The following WDR59 variants were observed in gnomAD, a reference collection of about 807,000 sequenced individuals.
WDR59 encodes WD repeat domain 59.
In WDR59, 100 loss-of-function variants were observed where a neutral mutation model predicts 131.2. The observed-to-expected ratio is 0.76, with a 90% CI of 0.65 to 0.90. The LOEUF is 0.90. WDR59 is among the 40% of genes least tolerant of loss of function. The pLI, the probability that WDR59 is intolerant of heterozygous loss-of-function variation, is 0.00. For missense variants in WDR59, 1,203 were observed against 1,262.2 expected (o/e 0.95, Z 0.71); for synonymous variants, 601 against 466.2 (o/e 1.29, Z -3.72).
chr16:74,962,580 T>C, intron 2 of WDR59, among the ~76,000 whole-genome samples: 1 of 152,138 alleles, frequency 6.6e-6, no homozygotes, highest in East Asian at 1.9e-4. Flanking sequence ...GATTTGGCTC[T>C]CTGCTTGCCT....
chr16:74,941,092 C>T (rs2032184171), intron 7 of WDR59, among the ~76,000 whole-genome samples: 2 of 151,876 alleles, frequency 1.3e-5, no homozygotes, highest in Non-Finnish European at 2.9e-5. Flanking sequence ...TGTCTGTAAT[C>T]CCAGCACTTT....
intron 4 of WDR59, 95 bp downstream of exon 4, chr16:74,951,363 G>T: frequency 8.0e-7 from 1 of 1,247,028 alleles, no homozygotes; most frequent in Non-Finnish European, 1.1e-6. Context: ...AACACAGACA[G>T]TCAAGCCATG....
chr16:74,886,190 A>AAAAAAAAAAAAAAT, intron 24 of WDR59, 80 bp downstream of exon 24: 7 of 1,448,708 alleles, frequency 4.8e-6, no homozygotes, highest in Non-Finnish European at 6.5e-6. Flanking sequence ...AAAAAAAAAA[A>AAAAAAAAAAAAAAT]GTAAGAGTTG....
chr16:74,888,241 A>G lies in WDR59; in HGVS notation c.2274T>C (p.Pro758=), dbSNP rs1964866510. 1 of 1,614,172 alleles carries G rather than the reference A, an allele frequency of 6.2e-7. No individual in the cohort carries two copies. Among genetic ancestry groups the G allele is most frequent in the African/African-American group, 1.3e-5 (1 of 75,058 alleles). Residue 758 remains proline (P), a synonymous_variant, in exon 22 of 26, where the codon CCT becomes CCC. Coordinates refer to ENST00000262144, the MANE Select transcript of WDR59 (RefSeq NM_030581.4). ...GCCCAAAGGGGTTTGGTAGCCCCTGAGGCCGAGACTGGGCTTCAAACACGC... is the reference window on the plus strand; with the variant it reads ...GCCCAAAGGGGTTTGGTAGCCCCTGGGGCCGAGACTGGGCTTCAAACACGC... ...LCSVFEAQSR[P]QGLPNPFGPF...
intron 25 of WDR59, among the ~76,000 whole-genome samples, chr16:74,874,758 A>T (rs2144739616): frequency 6.6e-6 from 1 of 152,102 alleles, no homozygotes; most frequent in African/African-American, 2.4e-5. Context: ...CGCCCAGCTA[A>T]GTTTGTATTT....
intron 14 of WDR59, chr16:74,911,865 G>T: frequency 2.2e-6 from 1 of 460,038 alleles, no homozygotes; most frequent in South Asian, 4.4e-5. Context: ...TAGTATTAAT[G>T]AGATCTGTGG....
At chr16:74,876,497 C>G (rs1964219740) in intron 25 of WDR59, among the ~76,000 whole-genome samples, 2 of 152,132 alleles carry the variant, frequency 1.3e-5, no homozygotes, top group East Asian at 1.9e-4. Context: ...TAATTATTCT[C>G]CATATCTATC....
chr16:74,983,778 C>T (rs2034517888), intron 1 of WDR59, among the ~76,000 whole-genome samples: 1 of 152,156 alleles, frequency 6.6e-6, no homozygotes, highest in East Asian at 1.9e-4. Context: ...GAGTTCCATA[C>T]CAGCCTGGAC....
At chr16:74,984,117 A>G (rs962445746) in intron 1 of WDR59, among the ~76,000 whole-genome samples, 26 of 152,100 alleles carry the variant, frequency 1.7e-4, no homozygotes, top group African/African-American at 6.3e-4. Context: ...TCTCTACTAA[A>G]AATACAAAAA....
chr16:74,874,178 G>C lies in WDR59; in HGVS notation c.*31C>G, dbSNP rs765530243. On this transcript the variant is annotated 3_prime_UTR_variant, in exon 26 of 26. Coordinates refer to ENST00000262144, the MANE Select transcript of WDR59 (RefSeq NM_030581.4). Reference sequence around the variant, plus strand: ...GTCACCGGCACTTATGGGTCCTCTGGGATTTCAGACAATACCCAACTTCTG... The same window carrying C: ...GTCACCGGCACTTATGGGTCCTCTGCGATTTCAGACAATACCCAACTTCTG... The C allele has an allele frequency of 2.0e-5, 32 of 1,581,820 alleles. No homozygotes were observed. The highest frequency in any genetic ancestry group is 2.7e-5 in the Non-Finnish European group (31 of 1,157,568).
At chr16:74,889,038 A>AC (rs1964913594) in intron 21 of WDR59, among the ~76,000 whole-genome samples, 1 of 152,224 alleles carries the variant, frequency 6.6e-6, no homozygotes, top group African/African-American at 2.4e-5. Context: ...AGTAGAGTAA[A>AC]CCTTATCATC....
intron 8 of WDR59, among the ~76,000 whole-genome samples, chr16:74,928,896 G>A (rs796096934): frequency 1.6e-4 from 25 of 152,154 alleles, no homozygotes; most frequent in African/African-American, 5.1e-4. Flanking sequence ...ATGATAGGGC[G>A]AGACTCTGTC....
chr16:74,977,448 G>T (rs539834033), intron 1 of WDR59, among the ~76,000 whole-genome samples: 2 of 152,058 alleles, frequency 1.3e-5, no homozygotes, highest in Non-Finnish European at 2.9e-5. Flanking sequence ...CAGCACTTTG[G>T]GAGGCCGAGG....
At chr16:74,880,305 G>C (rs1964416678) in intron 25 of WDR59, among the ~76,000 whole-genome samples, 1 of 152,098 alleles carries the variant, frequency 6.6e-6, no homozygotes. Flanking sequence ...AAATTAGCCA[G>C]GAGTGGTGGC....
chr16:74,974,664 T>G (rs1439796723), intron 1 of WDR59, among the ~76,000 whole-genome samples: 1 of 152,126 alleles, frequency 6.6e-6, no homozygotes, highest in East Asian at 1.9e-4. Context: ...ACAAACGACG[T>G]AGTTTACGCT....
intron 2 of WDR59, chr16:74,959,555 G>C (rs771005378): frequency 8.8e-6 from 4 of 452,852 alleles, no homozygotes; most frequent in Non-Finnish European, 1.8e-5. Flanking sequence ...TTGAGGCCCG[G>C]AGTTAAGACC....
chr16:74,923,188 T>C (rs978403472), intron 9 of WDR59, among the ~76,000 whole-genome samples: 2 of 152,216 alleles, frequency 1.3e-5, no homozygotes, highest in African/African-American at 4.8e-5. Context: ...TTACTATTCA[T>C]ATTCTACAGT....
At chr16:74,980,288 G>C (rs2034349456) in intron 1 of WDR59, among the ~76,000 whole-genome samples, 1 of 151,638 alleles carries the variant, frequency 6.6e-6, no homozygotes, top group Admixed American at 6.6e-5. Flanking sequence ...AAAATAAATG[G>C]CACTTTTATA....
chr16:74,880,188 C>T (rs2144763562), intron 25 of WDR59, among the ~76,000 whole-genome samples: 1 of 151,986 alleles, frequency 6.6e-6, no homozygotes, highest in South Asian at 2.1e-4. Context: ...TGGCTCACGC[C>T]TGTAATCCCA....
Sources: gnomAD v4.1 joint callset for allele counts (sites outside exome capture counted in the v4.1 genomes callset) on GRCh38, gnomAD v4.1.1 for gene constraint, MANE v1.5 for transcripts, NCBI Gene and HGNC (gene_info 2026-07-23, HGNC 2026-07-21) for gene names.